The following ITPR2 variants were observed in gnomAD, a reference collection of about 807,000 sequenced individuals.
The protein encoded by ITPR2 is inositol 1,4,5-trisphosphate-gated calcium channel ITPR2.
Under a neutral mutation model 317.1 loss-of-function variants are expected in ITPR2, and 207 were observed. The ratio of observed to expected loss-of-function variants is 0.65; its 90% CI spans 0.58 to 0.73. The LOEUF (loss-of-function observed/expected upper bound fraction) is 0.73, where lower values mean the gene tolerates loss of function less well. ITPR2 is among the 30% of genes least tolerant of loss of function. ITPR2 has a pLI of 0.00. For synonymous variants in ITPR2, 1,156 were observed against 1,149.1 expected (o/e 1.01, Z -0.12); for missense variants, 2,613 against 3,284.0 (o/e 0.80, Z 4.99).
At chr12:26,411,129 G>A in intron 52 of ITPR2, 191 bp downstream of exon 52, 1 of 545,556 alleles carries the variant, frequency 1.8e-6, no homozygotes, top group South Asian at 2.1e-5. Context: ...TAACGAACAG[G>A]AGAGGGGTAC....
At chr12:26,617,092 T>A (rs1946389042) in intron 26 of ITPR2, among the ~76,000 whole-genome samples, 1 of 152,132 alleles carries the variant, frequency 6.6e-6, no homozygotes, top group African/African-American at 2.4e-5. Context: ...AGTCAGAAGT[T>A]ATAAACAAAT....
At chr12:26,626,597 C>T (rs1329518696) in intron 23 of ITPR2, among the ~76,000 whole-genome samples, 1 of 152,256 alleles carries the variant, frequency 6.6e-6, no homozygotes, top group East Asian at 1.9e-4. Context: ...TGGGGTTCTA[C>T]ACTTCTGAGA....
At chr12:26,590,875 T>G (rs1945682345) in intron 32 of ITPR2, among the ~76,000 whole-genome samples, 2 of 150,900 alleles carry the variant, frequency 1.3e-5, no homozygotes, top group African/African-American at 2.4e-5. Context: ...AGGTCAGGAG[T>G]TCAAGACCAG....
At chr12:26,360,632 A>G (rs960175837) in intron 55 of ITPR2, among the ~76,000 whole-genome samples, 1 of 152,148 alleles carries the variant, frequency 6.6e-6, no homozygotes, top group African/African-American at 2.4e-5. Context: ...TTGGATTTAA[A>G]ATTTATCACC....
intron 37 of ITPR2, among the ~76,000 whole-genome samples, chr12:26,516,820 G>T (rs570808500): frequency 4.0e-5 from 6 of 151,482 alleles, no homozygotes; most frequent in Non-Finnish European, 7.4e-5. Context: ...GGATGGAGAG[G>T]ATAGATATGA....
intron 36 of ITPR2, among the ~76,000 whole-genome samples, chr12:26,551,693 C>T (rs1157518524): frequency 6.6e-6 from 1 of 152,150 alleles, no homozygotes; most frequent in Non-Finnish European, 1.5e-5. Flanking sequence ...TAGCATGCTA[C>T]TAATGAAGAT....
At chr12:26,411,202 T>C in intron 52 of ITPR2, 118 bp downstream of exon 52, 1 of 669,966 alleles carries the variant, frequency 1.5e-6, no homozygotes, top group Non-Finnish European at 2.6e-6. Context: ...TACTCTCTAT[T>C]CTTCTATTTC....
intron 37 of ITPR2, among the ~76,000 whole-genome samples, chr12:26,498,817 A>G (rs571709040): frequency 1.3e-5 from 2 of 152,296 alleles, no homozygotes; most frequent in South Asian, 4.1e-4. Context: ...TAGTCTCTGC[A>G]AGAACCTTTT....
intron 48 of ITPR2, among the ~76,000 whole-genome samples, chr12:26,431,050 G>A (rs1941192998): frequency 6.6e-6 from 1 of 152,088 alleles, no homozygotes; most frequent in Admixed American, 6.5e-5. Flanking sequence ...ACAAGGACAA[G>A]TTTACTAATC....
chr12:26,827,150 C>T (rs1368394608), intron 1 of ITPR2, among the ~76,000 whole-genome samples: 1 of 152,200 alleles, frequency 6.6e-6, no homozygotes, highest in Non-Finnish European at 1.5e-5. Context: ...GATTCACCAT[C>T]TTCGTCCAAT....
intron 55 of ITPR2, among the ~76,000 whole-genome samples, chr12:26,344,125 C>G (rs1320020619): frequency 6.6e-6 from 1 of 152,068 alleles, no homozygotes; most frequent in Non-Finnish European, 1.5e-5. Context: ...AAGGCCCTCA[C>G]CAGACGTGGG....
At chr12:26,791,977 T>C (rs915955571) in intron 1 of ITPR2, among the ~76,000 whole-genome samples, 14 of 152,206 alleles carry the variant, frequency 9.2e-5, no homozygotes, top group African/African-American at 3.4e-4. Context: ...ACTGACATTC[T>C]ATTCATTCCT....
intron 2 of ITPR2, among the ~76,000 whole-genome samples, chr12:26,771,668 C>A (rs1225090230): frequency 6.6e-6 from 1 of 152,112 alleles, no homozygotes; most frequent in Non-Finnish European, 1.5e-5. Context: ...GTGCCCAACA[C>A]CACGCCTGGC....
intron 37 of ITPR2, among the ~76,000 whole-genome samples, chr12:26,517,731 G>A (rs1260889098): frequency 6.6e-6 from 1 of 152,078 alleles, no homozygotes; most frequent in Admixed American, 6.5e-5. Context: ...CCAGCTACTC[G>A]GGAGGTTGAG....
intron 5 of ITPR2, among the ~76,000 whole-genome samples, chr12:26,718,209 C>T (rs571221202): frequency 2.0e-4 from 31 of 152,306 alleles, no homozygotes; most frequent in African/African-American, 7.0e-4. Flanking sequence ...CCTCACCCCC[C>T]ACCCCCTGAC....
chr12:26,396,430 A>T (rs1032975599), intron 54 of ITPR2, among the ~76,000 whole-genome samples: 1 of 152,088 alleles, frequency 6.6e-6, no homozygotes, highest in African/African-American at 2.4e-5. Flanking sequence ...GCTTGGGCAG[A>T]GTTGATAACG....
At chr12:26,418,367 A>G (rs536976245) in intron 50 of ITPR2, among the ~76,000 whole-genome samples, 52 of 152,296 alleles carry the variant, frequency 3.4e-4, no homozygotes, top group African/African-American at 1.2e-3. Context: ...AGTGCTTTTT[A>G]AGCTTCAAAA....
At position 26,656,366 on chromosome 12, in the gene ITPR2, T is replaced by C. The variant is rs376456267; in HGVS notation, c.2375A>G (p.Gln792Arg). Reference protein sequence around the residue: ...MLHMHVDRDPQESVVPVRYAR... With the variant: ...MLHMHVDRDPRESVVPVRYAR... ...ATAGCGAACAGGCACCACGGACTCC[T>C]GGGGATCCCGGTCAACGTGCATGTG... The change falls in exon 19 of 57, where the codon CAG becomes CGG. Residue 792 changes from glutamine (Q) to arginine (R), a missense_variant. Physicochemically the swap from Gln to Arg is conservative, Grantham distance 43 (BLOSUM62 1). Transcript: ENST00000381340. 1.9e-6 allele frequency: 3 copies of C among 1,614,080 alleles called. No homozygotes were observed. The highest frequency in any genetic ancestry group is 3.3e-5 in the Admixed American group (2 of 60,010).
At chr12:26,595,952 T>C (rs762539295) in intron 31 of ITPR2, among the ~76,000 whole-genome samples, 3 of 152,014 alleles carry the variant, frequency 2.0e-5, no homozygotes, top group Non-Finnish European at 4.4e-5. Flanking sequence ...CTCCCAACAG[T>C]AGAAAAGAAA....
Sources: gnomAD v4.1 joint callset for allele counts (sites outside exome capture counted in the v4.1 genomes callset) on GRCh38, gnomAD v4.1.1 for gene constraint, MANE v1.5 for transcripts, NCBI Gene and HGNC (gene_info 2026-07-23, HGNC 2026-07-21) for gene names.